Variants in CFAP46 observed in about 807,000 individuals in gnomAD.
CFAP46 encodes cilia- and flagella-associated protein 46.
CFAP46 carries 245 observed loss-of-function variants against 325.7 expected under a neutral mutation model. That is an observed-to-expected ratio of 0.75 (90% CI 0.68 to 0.84). The LOEUF is 0.84. Among genes scored for constraint, CFAP46 ranks in the 40% least tolerant of loss-of-function variants. CFAP46 has a pLI of 0.00. For missense variants in CFAP46, 3,346 were observed against 3,543.0 expected, an observed-to-expected ratio of 0.94 and a Z score of 1.41; for synonymous variants, 1,523 against 1,495.9, an observed-to-expected ratio of 1.02 and a Z score of -0.42.
At chr10:132,932,340 C>T (rs1182424510) in intron 8 of CFAP46, among the ~76,000 whole-genome samples, 1 of 143,868 alleles carries the variant, frequency 7.0e-6, no homozygotes, top group Non-Finnish European at 1.5e-5. Context: ...GGCCTCCCCA[C>T]ATTCCCCACA....
intron 19 of CFAP46, among the ~76,000 whole-genome samples, 173 bp downstream of exon 19, chr10:132,912,478 CATCT>C (rs371735687): frequency 4.8e-5 from 5 of 104,432 alleles, no homozygotes; most frequent in South Asian, 3.4e-4. Context: ...TCTCTCTTCA[CATCT>C]CTCTCTCCTC....
At chr10:132,887,345 C>T (rs1849158856) in intron 25 of CFAP46, among the ~76,000 whole-genome samples, 1 of 83,404 alleles carries the variant, frequency 1.2e-5, no homozygotes, top group Admixed American at 1.4e-4. Context: ...TCTCTCTCCT[C>T]TCCTCTCCTC....
intron 9 of CFAP46, among the ~76,000 whole-genome samples, chr10:132,928,176 G>T (rs1849839652): frequency 6.6e-6 from 1 of 152,212 alleles, no homozygotes; most frequent in Non-Finnish European, 1.5e-5. Flanking sequence ...AGCCCTTGGA[G>T]ATGGGTCCTG....
intron 16 of CFAP46, among the ~76,000 whole-genome samples, chr10:132,917,048 T>C (rs1849650786): frequency 6.6e-6 from 1 of 152,222 alleles, no homozygotes; most frequent in African/African-American, 2.4e-5. Context: ...AGGGGAAAGG[T>C]CTGCGCTGGC....
At position 132,913,026 on chromosome 10, in the gene CFAP46, GC is replaced by G; in HGVS notation, c.2333+19del. On this transcript the variant is annotated intron_variant, in intron 18 of 57. Coordinates refer to ENST00000368586, the MANE Select transcript of CFAP46 (RefSeq NM_001200049.3). ...GGAAGAAGCCCCTCCCTGCGTGAAC[GC>G]AGCACAGCCCACACGCACCCACTGT... The G allele has an allele frequency of 1.3e-6, 2 of 1,547,488 alleles. No individual in the cohort carries two copies. The highest frequency in any genetic ancestry group is 1.7e-6 in the Non-Finnish European group (2 of 1,145,688).
intron 44 of CFAP46, among the ~76,000 whole-genome samples, chr10:132,839,466 C>T (rs1202758386): frequency 4.6e-5 from 7 of 152,358 alleles, no homozygotes; most frequent in South Asian, 2.1e-4. Context: ...CCCACACACA[C>T]GGAACAGCAC....
intron 35 of CFAP46, among the ~76,000 whole-genome samples, chr10:132,865,501 C>T (rs999827386): frequency 6.6e-6 from 1 of 152,186 alleles, no homozygotes; most frequent in Non-Finnish European, 1.5e-5. Flanking sequence ...GTGCAGCGCC[C>T]GCCGGGGAGA....
At chr10:132,836,750 G>C in intron 45 of CFAP46, 67 bp downstream of exon 45, 1 of 1,358,970 alleles carries the variant, frequency 7.4e-7, no homozygotes, top group East Asian at 2.3e-5. Flanking sequence ...GCCCACGGCT[G>C]GGTCTCTGCC....
In CFAP46 at chr10:132,867,409, G is replaced by C; in HGVS notation, c.4709C>G (p.Pro1570Arg). The change falls in exon 34 of 58, where the codon CCT becomes CGT. Residue 1570 changes from proline to arginine, a missense_variant. Transcript: ENST00000368586. ...ALNEQTLPVQ[P>R]GEIKPLDAKD... ...GGCGTCCAGTGGTTTGATCTCCCCA[G>C]GCTGGACAGGAAGTGTCTGCTCATT... The C allele has an allele frequency of 1.3e-6, 2 of 1,550,552 alleles. No individual in the cohort carries two copies. The highest frequency in any genetic ancestry group is 1.7e-6 in the Non-Finnish European group (2 of 1,146,980).
intron 19 of CFAP46, among the ~76,000 whole-genome samples, chr10:132,911,365 C>T (rs112971754): frequency 0.025 from 3,780 of 152,342 alleles, 64 homozygotes; most frequent in South Asian, 0.057. Context: ...AGGCTCAAGA[C>T]TCTCCAGCCC....
intron 35 of CFAP46, among the ~76,000 whole-genome samples, chr10:132,861,233 C>T (rs530769588): frequency 2.2e-4 from 33 of 152,344 alleles, no homozygotes; most frequent in African/African-American, 7.7e-4. Flanking sequence ...GTGGGACGCC[C>T]GCCTCCCTGC....
chr10:132,882,926 C>A (rs979477944), intron 27 of CFAP46, among the ~76,000 whole-genome samples: 1 of 152,082 alleles, frequency 6.6e-6, no homozygotes, highest in Non-Finnish European at 1.5e-5. Flanking sequence ...AACAGAAGTG[C>A]GGGGCCAGCT....
intron 9 of CFAP46, among the ~76,000 whole-genome samples, chr10:132,927,190 C>T (rs561272612): frequency 1.3e-5 from 2 of 152,362 alleles, no homozygotes; most frequent in Admixed American, 6.5e-5. Flanking sequence ...CCTAAACCCG[C>T]CCTGGCGTGA....
At position 132,828,534 on chromosome 10, in the gene CFAP46, G is replaced by C. The variant is rs568642807; in HGVS notation, c.7117+4824C>G. On this transcript the variant is annotated intron_variant, in intron 50 of 57. Coordinates refer to ENST00000368586, the MANE Select transcript of CFAP46 (RefSeq NM_001200049.3). This position sits in a 1 kb window ranked among gnomAD's most constrained non-coding sequence, Gnocchi z 4.9. ...ATCTGTTCAAATCTTTTTTAGGGTT[G>C]TTTCTTTCTTATTATTCAGTTTTGA... is the stretch of plus-strand genomic sequence containing the variant. 4.9e-4 allele frequency among the ~76,000 whole-genome samples: 75 copies of C among 152,188 alleles called. No individual in the cohort carries two copies. The highest frequency in any genetic ancestry group is 1.4e-3 in the African/African-American group (57 of 41,534).
intron 22 of CFAP46, among the ~76,000 whole-genome samples, chr10:132,903,916 A>C (rs1037958225): frequency 6.6e-6 from 1 of 152,224 alleles, no homozygotes; most frequent in Non-Finnish European, 1.5e-5. Context: ...TGAAATGTAT[A>C]ATATATATTC....
rs1269642778 is a variant in CFAP46 at position 132,919,536 on chromosome 10, C to T, written c.1731-94G>A. 1.0e-5 allele frequency: 15 copies of T among 1,443,314 alleles called. No individual in the cohort carries two copies. Among genetic ancestry groups the T allele is most frequent in the Non-Finnish European group, 9.2e-7 (1 of 1,087,962 alleles). The allele number at this position is 1,443,314 out of a possible 1,614,324, so 89.4% of individuals were successfully genotyped here. On this transcript the variant is annotated intron_variant, in intron 14 of 57. Transcript: ENST00000368586. This position sits in a 1 kb window ranked among gnomAD's most constrained non-coding sequence, Gnocchi z 9.7. ...CTGGGCTGGCTGCCTGAGAAAAGGC[C>T]ACTGTGGCTCTGCAGTTTCAAGGTG...
At position 132,833,513 on chromosome 10, in the gene CFAP46, G is replaced by A; in HGVS notation, c.6962C>T (p.Pro2321Leu). The A allele has an allele frequency of 1.2e-6, 2 of 1,613,808 alleles. No individual in the cohort carries two copies. The highest frequency in any genetic ancestry group is 1.7e-4 in the Middle Eastern group (1 of 6,058). Residue 2321 changes from proline (P) to leucine (L), a missense_variant, in exon 50 of 58, where the codon CCT (proline) becomes CTT (leucine). By Grantham distance (98) the Pro-to-Leu change is moderately conservative. Transcript: ENST00000368586. ...TSTGQHSTVQ[P>L]EVADKIVLVA... ...CAGGACTATCTTATCGGCAACCTCA[G>A]GCTGGACTGTGCCTGGGAAACAGCA...
intron 50 of CFAP46, among the ~76,000 whole-genome samples, chr10:132,829,604 G>T (rs1848116130): frequency 6.6e-6 from 1 of 152,240 alleles, no homozygotes; most frequent in Non-Finnish European, 1.5e-5. Flanking sequence ...CCTGGCTGCT[G>T]GCCTTAGGGG....
chr10:132,858,790 G>A (rs1272420415), intron 38 of CFAP46, among the ~76,000 whole-genome samples: 1 of 152,162 alleles, frequency 6.6e-6, no homozygotes, highest in Non-Finnish European at 1.5e-5. Flanking sequence ...GAGGTGCAAG[G>A]CCCAATGTGG....
Sources: allele counts gnomAD v4.1 joint callset (sites outside exome capture counted in the v4.1 genomes callset), GRCh38; gene constraint gnomAD v4.1.1; non-coding constraint Gnocchi (gnomAD v3.1); transcripts MANE v1.5; gene names NCBI Gene and HGNC (gene_info 2026-07-23, HGNC 2026-07-21).